CATSPERB: variants seen among roughly 807,000 people sequenced by gnomAD.
The protein encoded by CATSPERB is catsper channel auxiliary subunit beta.
In CATSPERB, 93 loss-of-function variants were observed where a neutral mutation model predicts 128.3. That is an observed-to-expected ratio of 0.72 (90% confidence interval 0.61 to 0.86). The LOEUF is 0.86. CATSPERB is among the 40% of genes least tolerant of loss of function. The pLI, the probability that CATSPERB is intolerant of heterozygous loss-of-function variation, is 0.00. For synonymous variants in CATSPERB, 381 were observed against 448.8 expected, an observed-to-expected ratio of 0.85 and a Z score of 1.91; for missense variants, 1,153 against 1,329.5, an observed-to-expected ratio of 0.87 and a Z score of 2.06.
intron 15 of CATSPERB, among the ~76,000 whole-genome samples, chr14:91,658,562 C>T (rs1894824001): frequency 6.7e-6 from 1 of 149,424 alleles, no homozygotes; most frequent in South Asian, 2.2e-4. Context: ...ATGTTTGTAA[C>T]ATAAAGGATA....
rs746899365 is a variant in CATSPERB, at chr14:91,610,471, T to C, written c.2598+9A>G. ...TCTTAAACCAATATACTTAGATTTT[T>C]TTTTTTACCGGCAAAGTTTTGATGA... On this transcript the variant is annotated intron_variant, in intron 21 of 26. Coordinates refer to ENST00000256343, the MANE Select transcript of CATSPERB (RefSeq NM_024764.4). 10 of 1,608,812 alleles carry C rather than the reference T, an allele frequency of 6.2e-6. No homozygotes were observed. In the Middle Eastern group the frequency reaches 1.2e-3, roughly 187 times the overall value.
At chr14:91,641,316 C>T (rs1403749229) in intron 15 of CATSPERB, among the ~76,000 whole-genome samples, 1 of 148,350 alleles carries the variant, frequency 6.7e-6, no homozygotes, top group African/African-American at 2.5e-5. Flanking sequence ...TTGCCCATGC[C>T]TATGTCCTGA....
intron 22 of CATSPERB, among the ~76,000 whole-genome samples, chr14:91,607,069 T>G: frequency 1.6e-5 from 1 of 62,504 alleles, no homozygotes; most frequent in African/African-American, 6.9e-5. Context: ...CACTTCCTAA[T>G]TGTGTGTGTG....
In CATSPERB at chr14:91,723,043, A is replaced by T; in HGVS notation, c.309+6T>A. The T allele has an allele frequency of 6.7e-7, 1 of 1,498,926 alleles. No homozygotes were observed. The highest frequency in any genetic ancestry group is 8.9e-7 in the Non-Finnish European group (1 of 1,126,106). 92.9% of individuals were successfully genotyped at this position (1,498,926 alleles called of 1,614,324 possible). ...CATATCACAGAGTAAGATAAAATGT[A>T]ATTACCAACGTTAAATTAAAGTGGA... On this transcript the variant is annotated splice_donor_region_variant and intron_variant, in intron 4 of 26. Transcript: ENST00000256343.
rs1477616788 is a variant in CATSPERB, at chr14:91,669,856, T to C, written c.1245A>G (p.Val415=). 6.2e-7 allele frequency: 1 copy of C among 1,613,532 alleles called. No homozygotes were observed. Among genetic ancestry groups the C allele is most frequent in the Non-Finnish European group, 8.5e-7 (1 of 1,179,862 alleles). ...PSSFSSPVGM[V]FHPRSHFLYA... Reference sequence around the variant, plus strand: ...ACAAAAAGTGGCTTCGGGGATGAAATACCATTCCAACGGGAGAAGAGAATG... The same window carrying C: ...ACAAAAAGTGGCTTCGGGGATGAAACACCATTCCAACGGGAGAAGAGAATG... Residue 415 remains valine, a synonymous_variant, in exon 14 of 27, where the codon GTA becomes GTG. Coordinates refer to ENST00000256343, the MANE Select transcript of CATSPERB (RefSeq NM_024764.4).
Position 91,639,485 on chromosome 14 carries a change from G to T in CATSPERB, c.1433-235C>A, listed in dbSNP as rs565830391. Among the ~76,000 whole-genome samples, 3 of 152,206 alleles carry T rather than the reference G, an allele frequency of 2.0e-5. No individual in the cohort carries two copies. In the South Asian group the frequency reaches 6.2e-4, roughly 32 times the overall value. On this transcript the variant is annotated intron_variant, in intron 15 of 26. Coordinates refer to ENST00000256343, the MANE Select transcript of CATSPERB (RefSeq NM_024764.4). ...AGTAGGGGAAGAAACAAACAGAGGG[G>T]ATGTTTAATTAAGAGATCTAGAGGA... is the stretch of plus-strand genomic sequence containing the variant.
At chr14:91,669,715 AG>A (rs1895051845) in intron 14 of CATSPERB, 98 bp downstream of exon 14, 1 of 1,149,610 alleles carries the variant, frequency 8.7e-7, no homozygotes, top group African/African-American at 1.6e-5. Context: ...TGCCATCTCT[AG>A]GTCATCAGAG....
intron 11 of CATSPERB, among the ~76,000 whole-genome samples, chr14:91,681,214 G>A (rs909724961): frequency 6.6e-6 from 1 of 152,160 alleles, no homozygotes; most frequent in Admixed American, 6.5e-5. Flanking sequence ...GGACAATGGA[G>A]AACAAACTTA....
At chr14:91,703,100 T>A (rs1895678028) in intron 7 of CATSPERB, among the ~76,000 whole-genome samples, 1 of 152,126 alleles carries the variant, frequency 6.6e-6, no homozygotes, top group Non-Finnish European at 1.5e-5. Flanking sequence ...TAGGTATACA[T>A]ATTATCTACG....
chr14:91,625,984 G>T (rs1894153025), intron 17 of CATSPERB, among the ~76,000 whole-genome samples: 1 of 152,120 alleles, frequency 6.6e-6, no homozygotes, highest in African/African-American at 2.4e-5. Context: ...AATTAACCAG[G>T]TATGGTGGCA....
chr14:91,603,350 A>G (rs1595141709), intron 22 of CATSPERB: 1 of 1,608,604 alleles, frequency 6.2e-7, no homozygotes, highest in Admixed American at 1.7e-5. Context: ...ACACTACATC[A>G]GGTAACTTTT....
chr14:91,661,324 G>A lies in CATSPERB; in HGVS notation c.1288-1343C>T, dbSNP rs141371564. Among the ~76,000 whole-genome samples the A allele has an allele frequency of 9.0e-3, 1,363 of 151,934 alleles. 16 individuals carry two copies. The highest frequency in any genetic ancestry group is 0.044 in the Middle Eastern group (13 of 294). On this transcript the variant is annotated intron_variant, in intron 14 of 26. Transcript: ENST00000256343. ...GCACATTCTTCTACACTGTCCTATA[G>A]TCTCCAACTTATGGATATACCATAC...
intron 22 of CATSPERB, among the ~76,000 whole-genome samples, chr14:91,601,723 T>C (rs1893610877): frequency 1.3e-5 from 2 of 152,154 alleles, no homozygotes; most frequent in African/African-American, 4.8e-5. Context: ...ATGAATTTCC[T>C]TGAAGATCTT....
At chr14:91,586,569 GAA>G (rs1491553998) in intron 26 of CATSPERB, among the ~76,000 whole-genome samples, 3 of 145,478 alleles carry the variant, frequency 2.1e-5, no homozygotes, top group Admixed American at 6.9e-5. Context: ...GAGAGAGAGA[GAA>G]AGAGAGAGAG....
intron 3 of CATSPERB, 43 bp downstream of exon 3, chr14:91,725,037 A>C (rs755544200): frequency 1.0e-6 from 1 of 965,104 alleles, no homozygotes. Context: ...TGGATTTTAA[A>C]GGAACGTGAA....
chr14:91,694,460 AAAAAAAG>A (rs1895524688), intron 7 of CATSPERB, among the ~76,000 whole-genome samples: 1 of 150,196 alleles, frequency 6.7e-6, no homozygotes, highest in African/African-American at 2.5e-5. Flanking sequence ...AAAAAAAAAA[AAAAAAAG>A]AAATCTGTTG....
intron 4 of CATSPERB, among the ~76,000 whole-genome samples, chr14:91,720,460 A>C (rs555252770): frequency 7.2e-5 from 11 of 151,774 alleles, no homozygotes; most frequent in African/African-American, 2.4e-4. Context: ...CAATCTGAAA[A>C]TGATATTAAG....
At chr14:91,707,536 T>A (rs1895753000) in intron 6 of CATSPERB, among the ~76,000 whole-genome samples, 1 of 150,568 alleles carries the variant, frequency 6.6e-6, no homozygotes. Context: ...CCATTGTTTA[T>A]AATGACCCTC....
At chr14:91,672,489 C>G (rs1426250257) in intron 13 of CATSPERB, among the ~76,000 whole-genome samples, 1 of 152,062 alleles carries the variant, frequency 6.6e-6, no homozygotes, top group Non-Finnish European at 1.5e-5. Flanking sequence ...TTCTAATTCA[C>G]AGGTAGGGTT....
Sources: allele counts gnomAD v4.1 joint callset (sites outside exome capture counted in the v4.1 genomes callset), GRCh38; gene constraint gnomAD v4.1.1; transcripts MANE v1.5; gene names NCBI Gene and HGNC (gene_info 2026-07-23, HGNC 2026-07-21).